The following RELN variants were observed in gnomAD, a reference collection of about 807,000 sequenced individuals.
The protein encoded by RELN is reelin.
A neutral mutation model predicts 427.6 loss-of-function variants in RELN; 108 were observed. The observed-to-expected ratio is 0.25, with a 90% CI of 0.22 to 0.30. The LOEUF (loss-of-function observed/expected upper bound fraction) is 0.30. Ranked by LOEUF, RELN falls within the 10% of genes least tolerant of loss-of-function variation. The pLI is 1.00. For synonymous variants in RELN, 1,524 were observed against 1,513.4 expected (o/e 1.01, Z -0.16); for missense variants, 3,715 against 4,302.8 (o/e 0.86, Z 3.82).
At chr7:103,963,048 C>T (rs1270477104) in intron 1 of RELN, among the ~76,000 whole-genome samples, 1 of 151,754 alleles carries the variant, frequency 6.6e-6, no homozygotes, top group East Asian at 1.9e-4. Flanking sequence ...AGACGTAAGC[C>T]AGTGATGGGA....
Position 103,566,336 on chromosome 7 carries a change from G to A in RELN, c.4824C>T (p.Asp1608=). The A allele has an allele frequency of 6.2e-7, 1 of 1,614,030 alleles. No individual in the cohort carries two copies. The highest frequency in any genetic ancestry group is 8.5e-7 in the Non-Finnish European group (1 of 1,179,964). ...GCAAATCTATAGAGCCATCAAATTTGTCTTGAAATCCAGTTTGAGAGCTGT... is the reference window on the plus strand; with the variant it reads ...GCAAATCTATAGAGCCATCAAATTTATCTTGAAATCCAGTTTGAGAGCTGT... The part of the protein sequence containing the change: ...MNDSSQTGFQ[D]KFDGSIDLQA... The change falls in exon 33 of 65, where the codon GAC becomes GAT. Residue 1608 remains aspartate, a synonymous_variant. Transcript: ENST00000428762.
chr7:103,479,219 C>A (rs947561224), intron 63 of RELN, among the ~76,000 whole-genome samples: 11 of 152,086 alleles, frequency 7.2e-5, no homozygotes, highest in African/African-American at 2.7e-4. Flanking sequence ...GAGTGCCCAA[C>A]AAAAATGGTT....
At chr7:103,773,547 G>A (rs1791661268) in intron 4 of RELN, among the ~76,000 whole-genome samples, 1 of 150,976 alleles carries the variant, frequency 6.6e-6, no homozygotes, top group African/African-American at 2.4e-5. Flanking sequence ...TCGGCTCACT[G>A]CAACCTCCGC....
chr7:103,960,352 G>C (rs552983424), intron 1 of RELN, among the ~76,000 whole-genome samples: 3 of 152,298 alleles, frequency 2.0e-5, no homozygotes, highest in African/African-American at 7.2e-5. Context: ...TGAGCTGCAA[G>C]CTCACTCTCT....
intron 1 of RELN, among the ~76,000 whole-genome samples, chr7:103,946,178 T>C (rs998769570): frequency 2.0e-5 from 3 of 152,206 alleles, no homozygotes; most frequent in Non-Finnish European, 2.9e-5. Context: ...TACTTAATGA[T>C]AGTAGAACAC....
Position 103,989,233 on chromosome 7 carries a change from G to A in RELN, c.124C>T (p.His42Tyr), listed in dbSNP as rs1376719484. Residue 42 changes from histidine to tyrosine, a missense_variant, in exon 1 of 65, where the codon CAC (histidine) becomes TAC (tyrosine). By Grantham distance (83) the His-to-Tyr change is moderately conservative. This residue lies in a region of RELN where 2,208 missense variants were observed against 2,361.7 expected (regional missense o/e 0.93). Transcript: ENST00000428762. The surrounding 1 kb of genome is among the most constrained non-coding windows in gnomAD (Gnocchi z 4.9). ...RFSPFFFLCT[H>Y]HGELEGDGEQ... ...CCATCCCCTTCCAGCTCCCCGTGGTGGGTGCACAGGAAAAAGAAGGGCGAA... is the reference window on the plus strand; with the variant it reads ...CCATCCCCTTCCAGCTCCCCGTGGTAGGTGCACAGGAAAAAGAAGGGCGAA... 6 of 1,613,954 alleles carry A rather than the reference G, an allele frequency of 3.7e-6. No homozygotes were observed. In the African/African-American group the frequency reaches 8.0e-5, roughly 22 times the overall value.
chr7:103,614,149 TTAAA>T (rs1306471166), intron 20 of RELN, among the ~76,000 whole-genome samples: 20 of 152,112 alleles, frequency 1.3e-4, no homozygotes, highest in African/African-American at 4.8e-4. Context: ...AAATAATAGA[TTAAA>T]TAAGCAAAAT....
At chr7:103,566,474 C>T (rs1368234424) in intron 32 of RELN, 62 bp from the exon 33 acceptor site, 1 of 1,588,720 alleles carries the variant, frequency 6.3e-7, no homozygotes, top group Non-Finnish European at 8.6e-7. Context: ...TGAATATCTT[C>T]ATGACTGTGA....
intron 3 of RELN, among the ~76,000 whole-genome samples, chr7:103,792,482 A>G (rs991959853): frequency 1.4e-5 from 2 of 146,330 alleles, no homozygotes; most frequent in Non-Finnish European, 1.5e-5. Context: ...CCTATATATT[A>G]TATGATTCCA....
At chr7:103,712,522 A>G (rs1427626316) in intron 8 of RELN, among the ~76,000 whole-genome samples, 1 of 152,242 alleles carries the variant, frequency 6.6e-6, no homozygotes, top group Non-Finnish European at 1.5e-5. Context: ...ATAGATTTCC[A>G]AAAGGTAATA....
At position 103,594,339 on chromosome 7, in the gene RELN, G is replaced by A. The variant is rs768631367; in HGVS notation, c.3693C>T (p.Ile1231=). 3.7e-6 allele frequency: 6 copies of A among 1,613,908 alleles called. No individual in the cohort carries two copies. The South Asian group carries it at 6.6e-5, about 18-fold the overall frequency. The change falls in exon 26 of 65, where the codon ATC becomes ATT. Residue 1231 remains isoleucine (I), a synonymous_variant. Coordinates refer to ENST00000428762, the MANE Select transcript of RELN (RefSeq NM_005045.4). ...SEKQKQIIPV[I]NPTLPQNFYE... ...AGAATACCTGAGGTAAAGTTGGATT[G>A]ATAACTGGGATGATCTGCTTCTGCT... is the stretch of plus-strand genomic sequence containing the variant.
chr7:103,724,025 ATGAGACAAAAATTAAGGTTCTCATTT>A (rs1453361316), intron 7 of RELN, among the ~76,000 whole-genome samples: 1 of 152,170 alleles, frequency 6.6e-6, no homozygotes, highest in African/African-American at 2.4e-5. Context: ...ACCAGCTCAA[ATGAGACAAAAATTAAGGTTCTCATTT>A]TGCTGGGTTC....
intron 2 of RELN, among the ~76,000 whole-genome samples, chr7:103,838,206 CTCAAAA>C (rs1563042869): frequency 1.3e-4 from 4 of 31,192 alleles, no homozygotes; most frequent in East Asian, 1.5e-3. Context: ...GAGACTTCGT[CTCAAAA>C]AAAAAAAAAA....
intron 6 of RELN, among the ~76,000 whole-genome samples, chr7:103,738,550 C>A (rs1425175070): frequency 1.3e-5 from 2 of 152,010 alleles, no homozygotes; most frequent in African/African-American, 4.8e-5. Flanking sequence ...TGCCCTTTAC[C>A]AGTCAACTCT....
At chr7:103,495,175 C>CTTTT (rs68172294) in intron 57 of RELN, among the ~76,000 whole-genome samples, 11 of 125,360 alleles carry the variant, frequency 8.8e-5, no homozygotes, top group South Asian at 2.6e-4. Context: ...AAAGTAATTC[C>CTTTT]TTTTTTTTTT....
At chr7:103,842,996 C>A (rs1230338850) in intron 2 of RELN, among the ~76,000 whole-genome samples, 1 of 152,058 alleles carries the variant, frequency 6.6e-6, no homozygotes, top group Non-Finnish European at 1.5e-5. Flanking sequence ...ACCCTGTCTG[C>A]CTATGTTTAG....
Position 103,495,915 on chromosome 7 carries a change from G to C in RELN, c.9194-17C>G. 1.2e-6 allele frequency: 2 copies of C among 1,613,068 alleles called. No homozygotes were observed. Among genetic ancestry groups the C allele is most frequent in the Non-Finnish European group, 1.7e-6 (2 of 1,179,384 alleles). ...AAGTGCCTTCTGTTAAGGAAAATTGGAAGCAATATGGCATATTATTCTCTT... is the reference window on the plus strand; with the variant it reads ...AAGTGCCTTCTGTTAAGGAAAATTGCAAGCAATATGGCATATTATTCTCTT... On this transcript the variant is annotated splice_polypyrimidine_tract_variant and intron_variant, in intron 56 of 64. Coordinates refer to ENST00000428762, the MANE Select transcript of RELN (RefSeq NM_005045.4).
At chr7:103,487,188 A>G (rs1562844377) in intron 60 of RELN, among the ~76,000 whole-genome samples, 1 of 152,152 alleles carries the variant, frequency 6.6e-6, no homozygotes, top group Non-Finnish European at 1.5e-5. Context: ...GTTCTAATTC[A>G]TAGGTGGGAG....
intron 2 of RELN, among the ~76,000 whole-genome samples, chr7:103,866,932 C>G (rs1165639994): frequency 1.3e-5 from 2 of 152,052 alleles, no homozygotes; most frequent in Non-Finnish European, 2.9e-5. Context: ...ATTAGACAAG[C>G]AATCATTAGC....
Sources: allele counts gnomAD v4.1 joint callset (sites outside exome capture counted in the v4.1 genomes callset), GRCh38; gene constraint gnomAD v4.1.1; regional missense constraint gnomAD v4.1.1; non-coding constraint Gnocchi (gnomAD v3.1); transcripts MANE v1.5; gene names NCBI Gene and HGNC (gene_info 2026-07-23, HGNC 2026-07-21).